Variants in WWP2 observed in about 807,000 individuals in gnomAD.
WWP2 encodes the protein NEDD4-like E3 ubiquitin-protein ligase WWP2.
WWP2 carries 57 observed loss-of-function variants against 121.0 expected under a neutral mutation model. The ratio of observed to expected loss-of-function variants is 0.47; its 90% CI spans 0.38 to 0.59. The LOEUF (loss-of-function observed/expected upper bound fraction) is 0.59. Among genes scored for constraint, WWP2 ranks in the 20% least tolerant of loss-of-function variants. The pLI is 0.00. For missense variants in WWP2, 962 were observed against 1,158.9 expected (o/e 0.83, Z 2.47); for synonymous variants, 449 against 441.3 (o/e 1.02, Z -0.22).
chr16:69,826,470 G>A (rs904720852), intron 4 of WWP2, among the ~76,000 whole-genome samples: 1 of 151,454 alleles, frequency 6.6e-6, no homozygotes, highest in Non-Finnish European at 1.5e-5. Context: ...TACTTGGGAG[G>A]CTGAGACAGG....
chr16:69,912,918 CAAAACAAAAAAAAAAAA>C (rs2058405182), intron 9 of WWP2, among the ~76,000 whole-genome samples: 5 of 31,808 alleles, frequency 1.6e-4, no homozygotes, highest in African/African-American at 4.9e-4. Context: ...CCAGTCTCTA[CAAAACAAAAAAAAAAAA>C]AAAAAAAAAA....
At chr16:69,908,330 TGGA>T (rs2058328153) in intron 8 of WWP2, among the ~76,000 whole-genome samples, 1 of 152,186 alleles carries the variant, frequency 6.6e-6, no homozygotes. Flanking sequence ...GATGATCTTG[TGGA>T]GGGGTCTATG....
At chr16:69,858,074 T>C (rs1420180207) in intron 6 of WWP2, among the ~76,000 whole-genome samples, 3 of 152,070 alleles carry the variant, frequency 2.0e-5, no homozygotes, top group Non-Finnish European at 4.4e-5. Context: ...TAGGGCCCGG[T>C]TGGTTTTGTT....
chr16:69,771,759 G>A (rs1377080023), intron 1 of WWP2, among the ~76,000 whole-genome samples: 2 of 151,910 alleles, frequency 1.3e-5, no homozygotes, highest in Non-Finnish European at 2.9e-5. Context: ...TTGACATTTA[G>A]GTGTGAAGTA....
intron 4 of WWP2, chr16:69,828,144 G>C (rs1378762926): frequency 3.0e-5 from 10 of 338,518 alleles, no homozygotes; most frequent in Non-Finnish European, 5.1e-5. Flanking sequence ...CCTGAATCAA[G>C]AGAAATAAGG....
At chr16:69,857,165 G>A (rs968059584) in intron 6 of WWP2, among the ~76,000 whole-genome samples, 3 of 151,566 alleles carry the variant, frequency 2.0e-5, no homozygotes, top group South Asian at 2.1e-4. Context: ...GTGCAGTGGC[G>A]CCATCTCGGC....
intron 6 of WWP2, among the ~76,000 whole-genome samples, chr16:69,850,383 T>A (rs1330182577): frequency 5.1e-5 from 5 of 98,564 alleles, no homozygotes; most frequent in African/African-American, 2.0e-4. Context: ...TGAGACTCCA[T>A]CTCAAAAAAA....
intron 9 of WWP2, among the ~76,000 whole-genome samples, chr16:69,916,048 A>AG (rs1458378344): frequency 3.3e-5 from 5 of 152,126 alleles, no homozygotes; most frequent in African/African-American, 1.2e-4. Flanking sequence ...AAAAAAAAAA[A>AG]AAATCTTTGG....
At chr16:69,869,990 C>A (rs1375648863) in intron 6 of WWP2, among the ~76,000 whole-genome samples, 4 of 152,092 alleles carry the variant, frequency 2.6e-5, no homozygotes, top group Non-Finnish European at 5.9e-5. Flanking sequence ...AAAAAATAGC[C>A]CAAGAGGAAT....
At chr16:69,810,427 C>CT (rs773074583) in intron 4 of WWP2, among the ~76,000 whole-genome samples, 8,018 of 140,440 alleles carry the variant, frequency 0.057, 707 homozygotes, top group African/African-American at 0.18. Context: ...TTTTTAACAT[C>CT]TTTTTTTTTT....
At chr16:69,931,719 G>A (rs2058716745) in intron 15 of WWP2, 83 bp from the exon 16 acceptor site, 9 of 1,575,864 alleles carry the variant, frequency 5.7e-6, no homozygotes, top group Non-Finnish European at 7.0e-6. Context: ...CTGGATATTG[G>A]GCCTTAGAGT....
chr16:69,871,614 A>T (rs1373347904), intron 6 of WWP2, 190 bp from the exon 7 acceptor site: 6 of 696,374 alleles, frequency 8.6e-6, no homozygotes, highest in African/African-American at 3.6e-5. Context: ...CTGAGCTTTT[A>T]CCAAAAAGGA....
rs185115439 is a variant in WWP2 at position 69,773,430 on chromosome 16, C to T, written c.-16+11039C>T. On this transcript the variant is annotated intron_variant, in intron 1 of 23. Transcript: ENST00000359154. ...TTGACCTCATGTGGTCCACCCACCT[C>T]GGCCTCCCAAAGTGCTAGAATTACA... 5.3e-5 allele frequency among the ~76,000 whole-genome samples: 8 copies of T among 152,214 alleles called. No homozygotes were observed. The East Asian group carries it at 1.5e-3, about 29-fold the overall frequency.
intron 6 of WWP2, among the ~76,000 whole-genome samples, chr16:69,869,348 C>T (rs2057588396): frequency 6.7e-6 from 1 of 148,182 alleles, no homozygotes; most frequent in Non-Finnish European, 1.5e-5. Context: ...CCCTTTTTCT[C>T]CTTTTTTTTT....
At chr16:69,936,163 C>T (rs2058795108) in intron 18 of WWP2, 149 bp from the exon 19 acceptor site, 6 of 1,434,132 alleles carry the variant, frequency 4.2e-6, no homozygotes, top group Non-Finnish European at 4.7e-6. Context: ...GTTCTAGAAC[C>T]TTCTCCTTGA....
intron 1 of WWP2, among the ~76,000 whole-genome samples, chr16:69,763,885 C>G (rs1162559191): frequency 6.6e-6 from 1 of 152,212 alleles, no homozygotes; most frequent in Admixed American, 6.5e-5. Context: ...TACTCTTTTT[C>G]TTGTCAGAGA....
At chr16:69,926,821 G>A (rs74817807) in intron 11 of WWP2, among the ~76,000 whole-genome samples, 68 of 152,278 alleles carry the variant, frequency 4.5e-4, no homozygotes, top group African/African-American at 1.5e-3. Flanking sequence ...AAGACCCTGC[G>A]TCGTCAGTAG....
intron 4 of WWP2, chr16:69,838,718 T>C (rs1597031180): frequency 1.0e-6 from 1 of 985,364 alleles, no homozygotes; most frequent in Non-Finnish European, 1.2e-6. Context: ...ACTCGTTTCC[T>C]TTGGAAACTA....
At chr16:69,826,866 T>G (rs12921131) in intron 4 of WWP2, among the ~76,000 whole-genome samples, 128,272 of 149,686 alleles carry the variant, frequency 0.86, 55,135 homozygotes, top group Admixed American at 0.91. Context: ...GTGAACCCGG[T>G]AGGCGGAGCT....
Sources: gnomAD v4.1 joint callset for allele counts (sites outside exome capture counted in the v4.1 genomes callset) on GRCh38, gnomAD v4.1.1 for gene constraint, MANE v1.5 for transcripts, NCBI Gene and HGNC (gene_info 2026-07-23, HGNC 2026-07-21) for gene names.